Variants in CNTN6 observed in about 807,000 individuals in gnomAD.
CNTN6 encodes contactin-6.
CNTN6 carries 137 observed loss-of-function variants against 122.8 expected under a neutral mutation model. The observed-to-expected ratio is 1.12, with a 90% CI of 0.97 to 1.29. The LOEUF (loss-of-function observed/expected upper bound fraction) is 1.29. CNTN6 is among the 50% of genes most tolerant of loss of function. The pLI is 0.00. For synonymous variants in CNTN6, 570 were observed against 426.0 expected, an observed-to-expected ratio of 1.34 and a Z score of -4.16; for missense variants, 1,634 against 1,223.4, an observed-to-expected ratio of 1.34 and a Z score of -5.01.
At chr3:1,171,379 A>G (rs983957362) in intron 2 of CNTN6, among the ~76,000 whole-genome samples, 4 of 152,218 alleles carry the variant, frequency 2.6e-5, no homozygotes, top group African/African-American at 9.6e-5. Flanking sequence ...TACAGAGTTA[A>G]TGTCCTATTT....
intron 1 of CNTN6, among the ~76,000 whole-genome samples, chr3:1,128,615 G>A (rs1215977585): frequency 6.6e-6 from 1 of 151,938 alleles, no homozygotes; most frequent in Non-Finnish European, 1.5e-5. Flanking sequence ...GGATCATTGA[G>A]TTTAGAAACT....
intron 1 of CNTN6, among the ~76,000 whole-genome samples, chr3:1,116,698 CTTTTTTT>C (rs10594022): frequency 1.4e-5 from 1 of 71,744 alleles, no homozygotes. Context: ...GTCATCAAAT[CTTTTTTT>C]TTTTTTTTTT....
At position 1,376,619 on chromosome 3, in the gene CNTN6, GA is replaced by G. The variant is rs374320690; in HGVS notation, c.2096-378del. Reference sequence around the variant, plus strand: ...GAAAAATTAGTTTAGTTTGTTTATTGAAAAAAAATAATTAATATACTGCCTC... The same window carrying G: ...GAAAAATTAGTTTAGTTTGTTTATTGAAAAAAATAATTAATATACTGCCTC... On this transcript the variant is annotated intron_variant, in intron 16 of 22. Coordinates refer to ENST00000446702, the MANE Select transcript of CNTN6 (RefSeq NM_001289080.2). Among the ~76,000 whole-genome samples, 329 of 150,170 alleles carry G rather than the reference GA, an allele frequency of 2.2e-3. 1 individual carries two copies. Among genetic ancestry groups the G allele is most frequent in the African/African-American group, 7.7e-3 (310 of 40,488 alleles).
intron 20 of CNTN6, among the ~76,000 whole-genome samples, chr3:1,391,961 A>G (rs1288459887): frequency 3.3e-5 from 5 of 152,158 alleles, no homozygotes; most frequent in African/African-American, 1.2e-4. Flanking sequence ...AATCAATATC[A>G]TGAAAATGGC....
rs191527459 is a variant in CNTN6 at position 1,125,144 on chromosome 3, G to T, written c.-82-22783G>T. Among the ~76,000 whole-genome samples the T allele has an allele frequency of 9.2e-5, 14 of 152,058 alleles. No homozygotes were observed. In the East Asian group the frequency reaches 2.7e-3, roughly 29 times the overall value. ...ATGTGTGTACACCTCAGATATGCCT[G>T]AGAAACAGAAATAACCAATGGAAAT... On this transcript the variant is annotated intron_variant, in intron 1 of 22. Coordinates refer to ENST00000446702, the MANE Select transcript of CNTN6 (RefSeq NM_001289080.2).
intron 11 of CNTN6, among the ~76,000 whole-genome samples, chr3:1,350,381 G>C (rs913295155): frequency 6.6e-6 from 1 of 151,852 alleles, no homozygotes. Context: ...GAAAAAGCCT[G>C]AGTACTAGGA....
chr3:1,145,788 T>G lies in CNTN6; in HGVS notation c.-82-2139T>G, dbSNP rs185953501. Reference sequence around the variant, plus strand: ...TCACTAGATTGGAAATATTTAGTAGTAGTCTCCTTGGAAAAGGAAGATTAG... The same window carrying G: ...TCACTAGATTGGAAATATTTAGTAGGAGTCTCCTTGGAAAAGGAAGATTAG... On this transcript the variant is annotated intron_variant, in intron 1 of 22. Transcript: ENST00000446702. Among the ~76,000 whole-genome samples the G allele has an allele frequency of 3.2e-3, 494 of 152,316 alleles. 1 individual carries two copies. Among genetic ancestry groups the G allele is most frequent in the Admixed American group, 6.1e-3 (94 of 15,298 alleles).
intron 1 of CNTN6, among the ~76,000 whole-genome samples, chr3:1,140,147 C>T (rs1174400535): frequency 6.6e-6 from 1 of 152,204 alleles, no homozygotes; most frequent in African/African-American, 2.4e-5. Context: ...TTTCTTGTCA[C>T]CTTTTTAGGA....
chr3:1,151,350 T>A (rs536380967), intron 2 of CNTN6, among the ~76,000 whole-genome samples: 1 of 152,332 alleles, frequency 6.6e-6, no homozygotes, highest in African/African-American at 2.4e-5. Context: ...TCATATAATA[T>A]CCTCTGGGGA....
intron 20 of CNTN6, among the ~76,000 whole-genome samples, chr3:1,388,331 A>T (rs572600434): frequency 1.4e-5 from 2 of 146,098 alleles, no homozygotes; most frequent in Non-Finnish European, 3.0e-5. Flanking sequence ...GGGTATGCCA[A>T]CAGACCTGAA....
chr3:1,215,843 T>A (rs2094122740), intron 2 of CNTN6, among the ~76,000 whole-genome samples: 1 of 152,176 alleles, frequency 6.6e-6, no homozygotes, highest in African/African-American at 2.4e-5. Context: ...AACAATTTTT[T>A]TTCTCCTTCT....
chr3:1,386,940 T>A (rs982063608), intron 20 of CNTN6, among the ~76,000 whole-genome samples: 1 of 152,046 alleles, frequency 6.6e-6, no homozygotes, highest in Non-Finnish European at 1.5e-5. Context: ...CAAAAGAAGT[T>A]AGTTAGGAAC....
chr3:1,225,545 A>G (rs2094270005), intron 3 of CNTN6, among the ~76,000 whole-genome samples: 1 of 152,250 alleles, frequency 6.6e-6, no homozygotes, highest in African/African-American at 2.4e-5. Flanking sequence ...GAGCTGGCAA[A>G]CTAAATATGG....
intron 7 of CNTN6, among the ~76,000 whole-genome samples, chr3:1,318,228 A>G (rs1700381801): frequency 6.6e-6 from 1 of 151,606 alleles, no homozygotes; most frequent in East Asian, 1.9e-4. Context: ...GCCTTTTGCT[A>G]TCATTCTGGT....
At chr3:1,221,515 ACC>A (rs1442045371) in intron 3 of CNTN6, among the ~76,000 whole-genome samples, 1 of 152,158 alleles carries the variant, frequency 6.6e-6, no homozygotes, top group Non-Finnish European at 1.5e-5. Context: ...ACAGCTATGT[ACC>A]CTCTAAGGCA....
intron 2 of CNTN6, among the ~76,000 whole-genome samples, chr3:1,187,314 T>A (rs984744594): frequency 2.6e-5 from 4 of 152,246 alleles, no homozygotes; most frequent in African/African-American, 9.6e-5. Flanking sequence ...CCTCCTGCCT[T>A]ACGTTCCTTT....
At chr3:1,103,507 T>A (rs1168667735) in intron 1 of CNTN6, among the ~76,000 whole-genome samples, 2 of 152,214 alleles carry the variant, frequency 1.3e-5, no homozygotes, top group Non-Finnish European at 2.9e-5. Flanking sequence ...AAAAGTATTA[T>A]TTTTACTGAC....
intron 11 of CNTN6, among the ~76,000 whole-genome samples, chr3:1,336,898 G>C (rs542888246): frequency 6.6e-6 from 1 of 152,114 alleles, no homozygotes; most frequent in Non-Finnish European, 1.5e-5. Context: ...AGATCGTAGG[G>C]AAAGTGGAAA....
chr3:1,392,091 T>C (rs566675329), intron 20 of CNTN6, among the ~76,000 whole-genome samples: 3 of 152,324 alleles, frequency 2.0e-5, no homozygotes, highest in Admixed American at 2.0e-4. Context: ...AGAGCCCGCA[T>C]CGCCAAGTCA....
Sources: allele counts gnomAD v4.1 joint callset (sites outside exome capture counted in the v4.1 genomes callset), GRCh38; gene constraint gnomAD v4.1.1; transcripts MANE v1.5; gene names NCBI Gene and HGNC (gene_info 2026-07-23, HGNC 2026-07-21).